GPC5: variants seen among roughly 807,000 people sequenced by gnomAD.
The protein encoded by GPC5 is glypican 5, also known as glypican-5.
Under a neutral mutation model 53.9 loss-of-function variants are expected in GPC5, and 47 were observed. That is an observed-to-expected ratio of 0.87 (90% CI 0.69 to 1.11). The LOEUF is 1.11. Ranked by LOEUF, GPC5 falls within the 50% of genes most tolerant of loss-of-function variation. GPC5 has a pLI of 0.00. For synonymous variants in GPC5, 286 were observed against 263.3 expected, an observed-to-expected ratio of 1.09 and a Z score of -0.84; for missense variants, 748 against 713.1, an observed-to-expected ratio of 1.05 and a Z score of -0.56.
intron 5 of GPC5, among the ~76,000 whole-genome samples, chr13:91,788,376 T>A (rs1377666285): frequency 6.6e-6 from 1 of 152,174 alleles, no homozygotes; most frequent in Non-Finnish European, 1.5e-5. Flanking sequence ...TTTAAGTCCA[T>A]CAATTTGGGG....
chr13:91,814,387 T>C (rs1370811850), intron 5 of GPC5, among the ~76,000 whole-genome samples: 2 of 152,192 alleles, frequency 1.3e-5, no homozygotes, highest in Non-Finnish European at 2.9e-5. Context: ...GCAGGTTTTG[T>C]ATATCCAGTT....
At chr13:92,682,908 T>G (rs1315983126) in intron 7 of GPC5, among the ~76,000 whole-genome samples, 1 of 152,144 alleles carries the variant, frequency 6.6e-6, no homozygotes, top group South Asian at 2.1e-4. Flanking sequence ...AATACTGAAA[T>G]GCAAGACAAA....
At chr13:91,971,532 T>C (rs2040242129) in intron 6 of GPC5, among the ~76,000 whole-genome samples, 2 of 152,296 alleles carry the variant, frequency 1.3e-5, no homozygotes, top group South Asian at 4.1e-4. Flanking sequence ...TGCTCTTGCT[T>C]CTCTAGTTCT....
At chr13:92,662,870 C>T (rs1388076884) in intron 7 of GPC5, among the ~76,000 whole-genome samples, 1 of 152,168 alleles carries the variant, frequency 6.6e-6, no homozygotes, top group African/African-American at 2.4e-5. Context: ...CCTTCTCTTC[C>T]TTGCCCTGCT....
chr13:91,855,556 C>A (rs1021679065), intron 5 of GPC5, among the ~76,000 whole-genome samples: 1 of 151,452 alleles, frequency 6.6e-6, no homozygotes, highest in African/African-American at 2.4e-5. Context: ...GCAAAATTGG[C>A]GATATTCTCT....
chr13:92,384,558 G>A (rs1305435005), intron 7 of GPC5, among the ~76,000 whole-genome samples: 2 of 152,012 alleles, frequency 1.3e-5, no homozygotes, highest in African/African-American at 4.8e-5. Flanking sequence ...GTGGTACAAA[G>A]GCAATGTGTA....
At chr13:92,510,697 G>A (rs1383184803) in intron 7 of GPC5, among the ~76,000 whole-genome samples, 3 of 152,140 alleles carry the variant, frequency 2.0e-5, no homozygotes, top group South Asian at 2.1e-4. Context: ...ATGGAGCCAC[G>A]TGGCTCTGGC....
Position 92,130,451 on chromosome 13 carries a change from C to T in GPC5, c.1402-14379C>T, listed in dbSNP as rs975131659. 7.6e-4 allele frequency among the ~76,000 whole-genome samples: 115 copies of T among 151,950 alleles called. 2 individuals carry two copies. The highest frequency in any genetic ancestry group is 2.6e-4 in the Non-Finnish European group (18 of 67,926). On this transcript the variant is annotated intron_variant, in intron 6 of 7. Coordinates refer to ENST00000377067, the MANE Select transcript of GPC5 (RefSeq NM_004466.6). ...AACACATTTTACAAACACACACACACACAATTCCAACCACATGTGGATTAG... is the reference window on the plus strand; with the variant it reads ...AACACATTTTACAAACACACACACATACAATTCCAACCACATGTGGATTAG...
chr13:92,564,931 C>T (rs988681710), intron 7 of GPC5, among the ~76,000 whole-genome samples: 2 of 152,012 alleles, frequency 1.3e-5, no homozygotes, highest in African/African-American at 4.8e-5. Context: ...AGGAAATAAT[C>T]AGATAAACTT....
chr13:92,063,352 A>G (rs1368279200), intron 6 of GPC5, among the ~76,000 whole-genome samples: 1 of 152,118 alleles, frequency 6.6e-6, no homozygotes, highest in Non-Finnish European at 1.5e-5. Flanking sequence ...TGTCATGGTG[A>G]AGTATTTTTT....
chr13:92,834,786 AAGTGAC>A (rs1878167227), intron 7 of GPC5, among the ~76,000 whole-genome samples: 2 of 152,124 alleles, frequency 1.3e-5, no homozygotes, highest in Admixed American at 1.3e-4. Flanking sequence ...TTGGAAAGTG[AAGTGAC>A]TATACTGCTG....
At chr13:92,138,395 C>T (rs376145084) in intron 6 of GPC5, among the ~76,000 whole-genome samples, 3 of 152,030 alleles carry the variant, frequency 2.0e-5, no homozygotes, top group African/African-American at 7.3e-5. Context: ...TGGTGTGCAC[C>T]TGTTGTCCCA....
chr13:92,466,576 T>G (rs545926827), intron 7 of GPC5, among the ~76,000 whole-genome samples: 1 of 152,244 alleles, frequency 6.6e-6, no homozygotes, highest in African/African-American at 2.4e-5. Context: ...AAAATTCTTA[T>G]GGAAGCACTA....
At chr13:92,603,159 T>G (rs978220170) in intron 7 of GPC5, among the ~76,000 whole-genome samples, 1 of 152,208 alleles carries the variant, frequency 6.6e-6, no homozygotes, top group East Asian at 1.9e-4. Context: ...TGGTATAGTA[T>G]GGATAAAGGT....
At chr13:92,414,549 G>C (rs1876195930) in intron 7 of GPC5, among the ~76,000 whole-genome samples, 1 of 151,760 alleles carries the variant, frequency 6.6e-6, no homozygotes, top group Non-Finnish European at 1.5e-5. Context: ...GGGAAGTACA[G>C]AGTGCTTTGA....
Position 91,696,500 on chromosome 13 carries a change from A to C in GPC5, c.1020+2619A>C, listed in dbSNP as rs9589338. Among the ~76,000 whole-genome samples the C allele has an allele frequency of 5.4e-3, 827 of 152,286 alleles. 8 individuals are homozygous for C. The highest frequency in any genetic ancestry group is 0.035 in the South Asian group (168 of 4,826). ...AAGTGATTTATAAGCTCTTTATCAA[A>C]CTTTGATAACCAGTTCGCACATCGA... On this transcript the variant is annotated intron_variant, in intron 3 of 7. Coordinates refer to ENST00000377067, the MANE Select transcript of GPC5 (RefSeq NM_004466.6).
chr13:92,522,211 G>A (rs78379389), intron 7 of GPC5, among the ~76,000 whole-genome samples: 21,543 of 152,122 alleles, frequency 0.14, 2,023 homozygotes, highest in Non-Finnish European at 0.21. Context: ...ACAGTGTGGC[G>A]ATTCCTCAGG....
intron 6 of GPC5, among the ~76,000 whole-genome samples, chr13:92,108,820 C>T (rs2041530014): frequency 6.6e-6 from 1 of 152,096 alleles, no homozygotes; most frequent in Non-Finnish European, 1.5e-5. Context: ...GTCAGTATCA[C>T]CAGGCCACTT....
intron 6 of GPC5, among the ~76,000 whole-genome samples, chr13:92,044,150 C>T (rs1024947783): frequency 6.6e-6 from 1 of 152,158 alleles, no homozygotes; most frequent in Non-Finnish European, 1.5e-5. Context: ...TTTCCTGTAC[C>T]AGAAAATCTA....
Sources: gnomAD v4.1 joint callset for allele counts (sites outside exome capture counted in the v4.1 genomes callset) on GRCh38, gnomAD v4.1.1 for gene constraint, MANE v1.5 for transcripts, NCBI Gene and HGNC (gene_info 2026-07-23, HGNC 2026-07-21) for gene names.